Variants in EMSY observed in about 807,000 individuals in gnomAD.
The protein encoded by EMSY is EMSY transcriptional repressor, BRCA2 interacting, also known as BRCA2-interacting transcriptional repressor EMSY.
A neutral mutation model predicts 134.6 loss-of-function variants in EMSY; 26 were observed. The observed-to-expected ratio is 0.19, with a 90% CI of 0.14 to 0.27. The LOEUF is 0.27. EMSY is among the 10% of genes least tolerant of loss of function. The pLI is 1.00. For synonymous variants in EMSY, 579 were observed against 577.8 expected, an observed-to-expected ratio of 1.00 and a Z score of -0.03; for missense variants, 1,305 against 1,611.4, an observed-to-expected ratio of 0.81 and a Z score of 3.26.
intron 15 of EMSY, among the ~76,000 whole-genome samples, chr11:76,536,390 A>G (rs1205249483): frequency 1.3e-5 from 2 of 152,200 alleles, no homozygotes; most frequent in East Asian, 1.9e-4. Context: ...TATCACTTCT[A>G]AGCACAAGGC....
At chr11:76,513,465 C>T (rs754272561) in exon 10 of EMSY, 3 of 1,613,618 alleles carry the variant, frequency 1.9e-6, no homozygotes, top group East Asian at 4.5e-5. Flanking sequence ...CCACCAGTAG[C>T]AATTCCCCTA....
chr11:76,534,395 T>G (rs900679516), intron 14 of EMSY, among the ~76,000 whole-genome samples: 2 of 152,182 alleles, frequency 1.3e-5, no homozygotes, highest in Non-Finnish European at 1.5e-5. Flanking sequence ...GCATCCAGTC[T>G]TCTGTATTTC....
At chr11:76,524,649 A>G (rs973937715) in intron 12 of EMSY, among the ~76,000 whole-genome samples, 7 of 152,208 alleles carry the variant, frequency 4.6e-5, no homozygotes, top group African/African-American at 1.7e-4. Context: ...AGAGTCATGT[A>G]TGATTCATAG....
intron 9 of EMSY, 62 bp downstream of exon 10, chr11:76,496,531 T>G: frequency 1.9e-6 from 3 of 1,565,120 alleles, no homozygotes; most frequent in Non-Finnish European, 2.6e-6. Context: ...TTTTTAGTCT[T>G]CCAGTCCATG....
chr11:76,454,785 T>A, intron 4 of EMSY: 3 of 1,467,622 alleles, frequency 2.0e-6, no homozygotes, highest in Non-Finnish European at 1.8e-6. Context: ...AAAGACCAAG[T>A]TACAGGTATG....
intron 11 of EMSY, among the ~76,000 whole-genome samples, chr11:76,518,503 G>C (rs1427070330): frequency 2.0e-5 from 3 of 151,460 alleles, no homozygotes; most frequent in African/African-American, 7.3e-5. Context: ...CTAGCTATAA[G>C]ACTAGAAGGC....
chr11:76,454,791 G>A lies in EMSY; in HGVS notation c.245+1403G>A. 2 of 1,460,180 alleles carry A rather than the reference G, an allele frequency of 1.4e-6. No individual in the cohort carries two copies. The highest frequency in any genetic ancestry group is 1.3e-5 in the South Asian group (1 of 79,838). The allele number at this position is 1,460,180 out of a possible 1,614,324, so 90.5% of individuals were successfully genotyped here. Reference sequence around the variant, plus strand: ...ATTTGGGTGAAAGACCAAGTTACAGGTATGCAAATAGGTTATTATTATTTC... The same window carrying A: ...ATTTGGGTGAAAGACCAAGTTACAGATATGCAAATAGGTTATTATTATTTC... On this transcript the variant is annotated intron_variant, in intron 4 of 20. Coordinates refer to ENST00000334736, the Ensembl canonical transcript of EMSY.
At chr11:76,516,523 A>G (rs566233691) in intron 11 of EMSY, 1 of 339,098 alleles carries the variant, frequency 2.9e-6, no homozygotes, top group East Asian at 4.9e-5. Context: ...TAAAATGGAA[A>G]GAACCTTTAG....
At position 76,473,086 on chromosome 11, in the gene EMSY, G is replaced by A. The variant is rs555144519; in HGVS notation, c.1108+246G>A. ...CCTGGGCTGCTAACATTCACAAAATGTAGGTTAAATCTCGTCACTATAAAT... is the reference window on the plus strand; with the variant it reads ...CCTGGGCTGCTAACATTCACAAAATATAGGTTAAATCTCGTCACTATAAAT... On this transcript the variant is annotated intron_variant, in intron 8 of 20. Transcript: ENST00000334736. 2.0e-5 allele frequency among the ~76,000 whole-genome samples: 3 copies of A among 152,280 alleles called. No individual in the cohort carries two copies. The East Asian group carries it at 5.8e-4, about 29-fold the overall frequency.
intron 10 of EMSY, 64 bp from the exon 12 acceptor site, chr11:76,516,078 G>T (rs541669137): frequency 6.5e-6 from 9 of 1,386,646 alleles, no homozygotes; most frequent in Non-Finnish European, 7.0e-6. Context: ...CAGTTAAACT[G>T]TATTAATTAT....
intron 8 of EMSY, among the ~76,000 whole-genome samples, chr11:76,474,944 A>G (rs117956794): frequency 0.017 from 2,581 of 152,018 alleles, 50 homozygotes; most frequent in East Asian, 0.094. Flanking sequence ...TTGTATTTCT[A>G]ATAGAGGTGG....
At chr11:76,527,253 G>A (rs1344801923) in intron 13 of EMSY, among the ~76,000 whole-genome samples, 1 of 152,022 alleles carries the variant, frequency 6.6e-6, no homozygotes, top group Non-Finnish European at 1.5e-5. Context: ...ATTTTTGTAA[G>A]AGGTATTAAT....
At chr11:76,511,662 T>C (rs558603519) in intron 9 of EMSY, among the ~76,000 whole-genome samples, 2 of 152,254 alleles carry the variant, frequency 1.3e-5, no homozygotes, top group East Asian at 3.9e-4. Context: ...ATTGCACCAC[T>C]GTACTCCAGC....
At chr11:76,552,458 AG>A (rs1395882604), downstream of EMSY, 2 of 152,242 alleles carry the variant, frequency 1.3e-5, no homozygotes, top group Admixed American at 1.3e-4. Context: ...ATAATTTAAA[AG>A]TAATTTAAAG....
intron 8 of EMSY, among the ~76,000 whole-genome samples, chr11:76,476,888 G>A (rs1948787751): frequency 6.6e-6 from 1 of 152,044 alleles, no homozygotes; most frequent in Admixed American, 6.6e-5. Flanking sequence ...TTTTATTGGT[G>A]GATAGAGCTA....
At chr11:76,464,647 G>A (rs930513697) in intron 7 of EMSY, among the ~76,000 whole-genome samples, 6 of 152,106 alleles carry the variant, frequency 3.9e-5, no homozygotes, top group Admixed American at 1.3e-4. Flanking sequence ...GACCATAATG[G>A]CTCTCTAGGC....
chr11:76,512,499 G>T (rs1011225139), intron 9 of EMSY, among the ~76,000 whole-genome samples: 15 of 151,992 alleles, frequency 9.9e-5, no homozygotes, highest in Admixed American at 2.6e-4. Context: ...TCCTATGTGT[G>T]ATGTTAACAT....
At chr11:76,469,546 C>T (rs535146754) in intron 7 of EMSY, among the ~76,000 whole-genome samples, 1 of 152,170 alleles carries the variant, frequency 6.6e-6, no homozygotes, top group Non-Finnish European at 1.5e-5. Flanking sequence ...TACTGATATC[C>T]TTTTCACATT....
chr11:76,463,942 C>A, exon 7 of EMSY: 1 of 1,614,188 alleles, frequency 6.2e-7, no homozygotes, highest in South Asian at 1.1e-5. Flanking sequence ...CAAAGACGAT[C>A]ACTGTGCCTG....
Sources: gnomAD v4.1 joint callset for allele counts (sites outside exome capture counted in the v4.1 genomes callset) on GRCh38, gnomAD v4.1.1 for gene constraint, MANE v1.5 for transcripts, NCBI Gene and HGNC (gene_info 2026-07-23, HGNC 2026-07-21) for gene names.